The following VWC2L variants were observed in gnomAD, a reference collection of about 807,000 sequenced individuals.
VWC2L encodes the protein von Willebrand factor C domain containing 2 like, also known as von Willebrand factor C domain-containing protein 2-like.
VWC2L carries 10 observed loss-of-function variants against 21.6 expected under a neutral mutation model. The observed-to-expected ratio is 0.46, with a 90% CI of 0.29 to 0.78. The LOEUF (loss-of-function observed/expected upper bound fraction) is 0.78, where lower values mean the gene tolerates loss of function less well. Ranked by LOEUF, VWC2L falls within the 30% of genes least tolerant of loss-of-function variation. The pLI is 0.10. For missense variants in VWC2L, 209 were observed against 277.1 expected (o/e 0.75, Z 1.74); for synonymous variants, 96 against 94.3 (o/e 1.02, Z -0.10).
At position 214,578,600 on chromosome 2, in the gene VWC2L, C is replaced by T. The variant is rs1386758599; in HGVS notation, c.*2780C>T. On this transcript the variant is annotated 3_prime_UTR_variant, in exon 4 of 4. Coordinates refer to ENST00000312504, the MANE Select transcript of VWC2L (RefSeq NM_001080500.4). ...TAAACATTTTACAACTTCCTTCTAC[C>T]CAGGTCATTGAGAAATTCTTTCCAG... 1 of 152,130 alleles carries T rather than the reference C, an allele frequency of 6.6e-6. No individual in the cohort carries two copies. Among genetic ancestry groups the T allele is most frequent in the African/African-American group, 2.4e-5 (1 of 41,436 alleles). The allele number at this position is 152,130 out of a possible 1,614,324, so 9.4% of individuals were successfully genotyped here. A position where few individuals can be genotyped will look rare whatever the true frequency, so the allele number is the denominator to read the frequency against.
intron 3 of VWC2L, among the ~76,000 whole-genome samples, chr2:214,455,614 C>T (rs1337953954): frequency 6.6e-6 from 1 of 152,126 alleles, no homozygotes; most frequent in Admixed American, 6.5e-5. Flanking sequence ...AGTCACCTTA[C>T]TTTGCTGTCA....
chr2:214,515,698 C>T (rs1450221986), intron 3 of VWC2L, among the ~76,000 whole-genome samples: 1 of 152,148 alleles, frequency 6.6e-6, no homozygotes, highest in Non-Finnish European at 1.5e-5. Flanking sequence ...GGATTGCAGG[C>T]ACCCACCACC....
chr2:214,571,274 T>C (rs1220929300), intron 3 of VWC2L, among the ~76,000 whole-genome samples: 2 of 152,216 alleles, frequency 1.3e-5, no homozygotes, highest in South Asian at 2.1e-4. Flanking sequence ...TTCAGAGAGA[T>C]ATGAATTCAT....
chr2:214,527,935 T>C (rs1255760964), intron 3 of VWC2L, among the ~76,000 whole-genome samples: 1 of 152,196 alleles, frequency 6.6e-6, no homozygotes, highest in African/African-American at 2.4e-5. Flanking sequence ...ACCAGTAAGC[T>C]GAGATAAAAA....
At chr2:214,449,232 T>C (rs937255057) in intron 3 of VWC2L, among the ~76,000 whole-genome samples, 1 of 152,228 alleles carries the variant, frequency 6.6e-6, no homozygotes, top group African/African-American at 2.4e-5. Context: ...TGTGTGTGGA[T>C]ACCTAGATAT....
chr2:214,477,454 T>G lies in VWC2L; in HGVS notation c.520+40696T>G, dbSNP rs77723452. On this transcript the variant is annotated intron_variant, in intron 3 of 3. Transcript: ENST00000312504. ...AGGAGATTTACAACCCCCTCCTGAT[T>G]TATAAGAGTGTCTTTTTTGTTCCTA... is the stretch of plus-strand genomic sequence containing the variant. 9.3e-3 allele frequency among the ~76,000 whole-genome samples: 1,379 copies of G among 149,036 alleles called. 34 individuals are homozygous for G. The highest frequency in any genetic ancestry group is 0.032 in the African/African-American group (1,303 of 40,736).
chr2:214,557,050 T>A (rs1216563615), intron 3 of VWC2L, among the ~76,000 whole-genome samples: 2 of 151,766 alleles, frequency 1.3e-5, no homozygotes, highest in East Asian at 3.9e-4. Context: ...GGGGAGAGAG[T>A]GGGAGTAAGT....
intron 3 of VWC2L, among the ~76,000 whole-genome samples, chr2:214,512,620 T>C (rs935522651): frequency 2.6e-5 from 4 of 152,180 alleles, no homozygotes; most frequent in African/African-American, 9.7e-5. Context: ...AATGGACATG[T>C]ACCTGCTGAT....
chr2:214,449,873 T>C (rs541003409), intron 3 of VWC2L, among the ~76,000 whole-genome samples: 3 of 152,260 alleles, frequency 2.0e-5, no homozygotes, highest in Admixed American at 2.0e-4. Flanking sequence ...AGTCTTTCCT[T>C]CCTTTTACCC....
chr2:214,508,412 C>T (rs961201550), intron 3 of VWC2L, among the ~76,000 whole-genome samples: 1 of 152,182 alleles, frequency 6.6e-6, no homozygotes. Context: ...CCTGTCTACT[C>T]CCAAACTGCC....
chr2:214,550,310 GA>G (rs1486580070), intron 3 of VWC2L, among the ~76,000 whole-genome samples: 4 of 152,100 alleles, frequency 2.6e-5, no homozygotes, highest in Non-Finnish European at 4.4e-5. Flanking sequence ...TTCCATTTGG[GA>G]AAAGAAATAT....
intron 3 of VWC2L, among the ~76,000 whole-genome samples, chr2:214,486,360 G>A (rs4321367): frequency 0.2 from 29,878 of 152,112 alleles, 3,235 homozygotes; most frequent in African/African-American, 0.27. Flanking sequence ...GTGTAACAGC[G>A]TGTTCTTACA....
At chr2:214,500,680 G>A (rs1191822739) in intron 3 of VWC2L, among the ~76,000 whole-genome samples, 1 of 152,182 alleles carries the variant, frequency 6.6e-6, no homozygotes, top group East Asian at 1.9e-4. Flanking sequence ...GCTAGAAAAT[G>A]TATTTTTACC....
At chr2:214,537,288 T>C (rs1312204210) in intron 3 of VWC2L, among the ~76,000 whole-genome samples, 2 of 152,070 alleles carry the variant, frequency 1.3e-5, no homozygotes, top group East Asian at 3.9e-4. Context: ...TATACCACAT[T>C]TTCTCGATCC....
At chr2:214,452,937 T>C (rs1702998449) in intron 3 of VWC2L, among the ~76,000 whole-genome samples, 1 of 152,226 alleles carries the variant, frequency 6.6e-6, no homozygotes, top group African/African-American at 2.4e-5. Context: ...TAGCTTGTTC[T>C]TCAGTTTGAA....
intron 2 of VWC2L, among the ~76,000 whole-genome samples, chr2:214,418,082 A>C (rs909111843): frequency 2.6e-5 from 4 of 152,016 alleles, no homozygotes; most frequent in South Asian, 2.1e-4. Flanking sequence ...TCCCTGTTTA[A>C]ATCCTACTGG....
intron 3 of VWC2L, among the ~76,000 whole-genome samples, chr2:214,505,929 G>A (rs1688961709): frequency 6.6e-6 from 1 of 152,110 alleles, no homozygotes; most frequent in Non-Finnish European, 1.5e-5. Context: ...TAATGGTGGG[G>A]AAGGTGAGCA....
At chr2:214,561,784 TTATATATATATA>T (rs67223012) in intron 3 of VWC2L, among the ~76,000 whole-genome samples, 16 of 128,682 alleles carry the variant, frequency 1.2e-4, no homozygotes, top group South Asian at 6.9e-4. Flanking sequence ...TCAAAAAAAA[TTATATATATATA>T]TATATATATA....
intron 3 of VWC2L, among the ~76,000 whole-genome samples, chr2:214,437,959 G>A (rs192157562): frequency 1.3e-3 from 188 of 150,198 alleles, no homozygotes; most frequent in African/African-American, 4.0e-3. Context: ...TGCTCATCTC[G>A]CTCCTCTTTT....
Sources: allele counts gnomAD v4.1 joint callset (sites outside exome capture counted in the v4.1 genomes callset), GRCh38; gene constraint gnomAD v4.1.1; transcripts MANE v1.5; gene names NCBI Gene and HGNC (gene_info 2026-07-23, HGNC 2026-07-21).